SUPT3H: variants seen among roughly 807,000 people sequenced by gnomAD.
The protein encoded by SUPT3H is transcription initiation protein SPT3 homolog.
SUPT3H carries 44 observed loss-of-function variants against 44.3 expected under a neutral mutation model. That is an observed-to-expected ratio of 0.99 (90% CI 0.78 to 1.28). The LOEUF (loss-of-function observed/expected upper bound fraction) is 1.28. SUPT3H is among the 50% of genes most tolerant of loss of function. The pLI, the probability that SUPT3H is intolerant of heterozygous loss-of-function variation, is 0.00. For synonymous variants in SUPT3H, 124 were observed against 125.6 expected, an observed-to-expected ratio of 0.99 and a Z score of 0.09; for missense variants, 380 against 387.1, an observed-to-expected ratio of 0.98 and a Z score of 0.15.
At chr6:45,106,711 T>C (rs2153571738) in intron 2 of SUPT3H, among the ~76,000 whole-genome samples, 1 of 152,206 alleles carries the variant, frequency 6.6e-6, no homozygotes, top group African/African-American at 2.4e-5. Context: ...TAATTTTTTA[T>C]TTTTAGTAGA....
intron 2 of SUPT3H, among the ~76,000 whole-genome samples, chr6:45,251,940 AC>A (rs774086297): frequency 5.9e-5 from 9 of 152,194 alleles, no homozygotes; most frequent in South Asian, 2.1e-4. Flanking sequence ...AAGAAAAAAA[AC>A]ATTATCTCAA....
intron 3 of SUPT3H, among the ~76,000 whole-genome samples, chr6:45,063,711 A>G (rs1425844631): frequency 2.6e-4 from 20 of 78,332 alleles, no homozygotes; most frequent in African/African-American, 4.9e-4. Flanking sequence ...GGGTATCAGC[A>G]ATGGAAGATG....
At chr6:45,084,998 A>C (rs1429248555) in intron 3 of SUPT3H, among the ~76,000 whole-genome samples, 1 of 151,942 alleles carries the variant, frequency 6.6e-6, no homozygotes, top group Non-Finnish European at 1.5e-5. Flanking sequence ...GTTTAAAACT[A>C]CCTGTTGGGT....
At chr6:44,947,607 T>C (rs1043192193) in intron 9 of SUPT3H, among the ~76,000 whole-genome samples, 4 of 152,092 alleles carry the variant, frequency 2.6e-5, no homozygotes, top group African/African-American at 4.8e-5. Context: ...AAAATTTACA[T>C]AGAAATGCGA....
intron 2 of SUPT3H, among the ~76,000 whole-genome samples, chr6:45,146,490 T>C (rs759587383): frequency 1.3e-5 from 2 of 152,148 alleles, no homozygotes; most frequent in Admixed American, 6.6e-5. Context: ...ATATGCTGCA[T>C]GGGTGACGGT....
chr6:45,164,605 T>TGC (rs570229990), intron 2 of SUPT3H, among the ~76,000 whole-genome samples: 78 of 152,268 alleles, frequency 5.1e-4, no homozygotes, highest in Middle Eastern at 6.8e-3. Flanking sequence ...CTTTGTTTTT[T>TGC]GCTTGGCCTA....
In SUPT3H at chr6:45,289,608, G is replaced by C. The variant is rs568410215; in HGVS notation, c.101+75593C>G. ...AAGAGATATCATCTGAATAACTTGA[G>C]AGGTCAGATAATATATTAACACATA... On this transcript the variant is annotated intron_variant, in intron 2 of 10. Coordinates refer to ENST00000371459, the MANE Select transcript of SUPT3H (RefSeq NM_003599.4). Among the ~76,000 whole-genome samples the C allele has an allele frequency of 1.2e-4, 18 of 152,238 alleles. No homozygotes were observed. In the South Asian group the frequency reaches 3.7e-3, roughly 32 times the overall value.
At chr6:44,921,849 C>G (rs551080855) in intron 10 of SUPT3H, among the ~76,000 whole-genome samples, 1 of 152,210 alleles carries the variant, frequency 6.6e-6, no homozygotes, top group Non-Finnish European at 1.5e-5. Context: ...AAAGTCAACT[C>G]AAATACTCCC....
intron 2 of SUPT3H, among the ~76,000 whole-genome samples, chr6:45,280,835 A>G (rs565123300): frequency 3.9e-4 from 41 of 105,056 alleles, no homozygotes; most frequent in African/African-American, 2.6e-3. Context: ...TTAAAAATAT[A>G]ACATGTTCTA....
chr6:45,293,754 T>C (rs1035058373), intron 2 of SUPT3H, among the ~76,000 whole-genome samples: 1 of 152,072 alleles, frequency 6.6e-6, no homozygotes, highest in African/African-American at 2.4e-5. Context: ...GGATAAATTC[T>C]TGAAAAGATA....
chr6:45,256,977 T>C (rs577970426), intron 2 of SUPT3H, among the ~76,000 whole-genome samples: 8 of 152,328 alleles, frequency 5.3e-5, no homozygotes, highest in African/African-American at 1.9e-4. Context: ...CTAGGTCATG[T>C]CGTAATTCGA....
In SUPT3H at chr6:45,341,613, G is replaced by A. The variant is rs566292495; in HGVS notation, c.101+23588C>T. Among the ~76,000 whole-genome samples, 36 of 152,290 alleles carry A rather than the reference G, an allele frequency of 2.4e-4. 1 individual carries two copies. The highest frequency in any genetic ancestry group is 7.2e-4 in the African/African-American group (30 of 41,556). ...GAGTTTGTCTCCGCAACTTCATAAA[G>A]AGTACAATGGCATAAGACTCGAGGT... On this transcript the variant is annotated intron_variant, in intron 2 of 10. Transcript: ENST00000371459.
At chr6:44,984,792 GGCA>G (rs1779554706) in intron 6 of SUPT3H, among the ~76,000 whole-genome samples, 1 of 151,924 alleles carries the variant, frequency 6.6e-6, no homozygotes, top group Admixed American at 6.6e-5. Context: ...TAACCATCAG[GGCA>G]TTGCCAGAAA....
chr6:44,844,331 T>C (rs1177445439), intron 10 of SUPT3H, among the ~76,000 whole-genome samples: 1 of 152,170 alleles, frequency 6.6e-6, no homozygotes, highest in African/African-American at 2.4e-5. Flanking sequence ...TAAGCAAAGC[T>C]TTCTTAGCTA....
At chr6:45,014,529 A>C (rs1213930317) in intron 5 of SUPT3H, among the ~76,000 whole-genome samples, 3 of 152,164 alleles carry the variant, frequency 2.0e-5, no homozygotes, top group Non-Finnish European at 4.4e-5. Context: ...GTCTGCATTC[A>C]CTATGTGCTC....
chr6:44,891,523 T>C (rs930915793), intron 10 of SUPT3H, among the ~76,000 whole-genome samples: 17 of 152,056 alleles, frequency 1.1e-4, no homozygotes, highest in African/African-American at 4.1e-4. Context: ...TATAATTCCA[T>C]TTATATGATG....
intron 2 of SUPT3H, chr6:45,323,009 T>C (rs1439643038): frequency 1.6e-6 from 2 of 1,229,828 alleles, no homozygotes; most frequent in Non-Finnish European, 2.3e-6. Flanking sequence ...AAATCATCCT[T>C]AATAGAGATA....
rs187325279 is a variant in SUPT3H, at chr6:45,264,160, T to A, written c.101+101041A>T. 2.2e-3 allele frequency among the ~76,000 whole-genome samples: 334 copies of A among 152,298 alleles called. 1 individual carries two copies. The highest frequency in any genetic ancestry group is 7.6e-3 in the African/African-American group (315 of 41,572). On this transcript the variant is annotated intron_variant, in intron 2 of 10. Coordinates refer to ENST00000371459, the MANE Select transcript of SUPT3H (RefSeq NM_003599.4). Reference sequence around the variant, plus strand: ...AAAAGAAATGAAAACACTTATTTTTTAAAAAATTTACATAAGCATTATAAA... The same window carrying A: ...AAAAGAAATGAAAACACTTATTTTTAAAAAAATTTACATAAGCATTATAAA...
intron 2 of SUPT3H, among the ~76,000 whole-genome samples, chr6:45,123,269 C>T (rs1801929926): frequency 6.6e-6 from 1 of 152,106 alleles, no homozygotes; most frequent in Non-Finnish European, 1.5e-5. Flanking sequence ...AATAAGCACA[C>T]ATGAAACTCT....
Sources: gnomAD v4.1 joint callset for allele counts (sites outside exome capture counted in the v4.1 genomes callset) on GRCh38, gnomAD v4.1.1 for gene constraint, MANE v1.5 for transcripts, NCBI Gene and HGNC (gene_info 2026-07-23, HGNC 2026-07-21) for gene names.